The following LIPK variants were observed in gnomAD, a reference collection of about 807,000 sequenced individuals.
LIPK encodes the protein lipase family member K, also known as lipase member K.
In LIPK, 32 loss-of-function variants were observed where a neutral mutation model predicts 48.6. The observed-to-expected ratio is 0.66, with a 90% CI of 0.50 to 0.88. LIPK has a LOEUF of 0.88. LIPK is among the 40% of genes least tolerant of loss of function. The pLI is 0.00. For synonymous variants in LIPK, 164 were observed against 157.4 expected (o/e 1.04, Z -0.32); for missense variants, 507 against 478.5 (o/e 1.06, Z -0.56).
chr10:88,712,258 ACT>A (rs1331384337), intron 1 of LIPK, among the ~76,000 whole-genome samples: 2 of 152,074 alleles, frequency 1.3e-5, no homozygotes, highest in African/African-American at 4.8e-5. Context: ...ATGACTCTGA[ACT>A]CTCTCAGTTG....
At chr10:88,716,440 C>T (rs992046245) in intron 1 of LIPK, among the ~76,000 whole-genome samples, 1 of 130,566 alleles carries the variant, frequency 7.7e-6, no homozygotes, top group African/African-American at 3.1e-5. Context: ...TCACTGCAAC[C>T]TCTGCCTCTC....
intron 9 of LIPK, among the ~76,000 whole-genome samples, chr10:88,747,998 G>T (rs1842798730): frequency 6.6e-6 from 1 of 152,106 alleles, no homozygotes; most frequent in South Asian, 2.1e-4. Context: ...CAAAGACATG[G>T]AACCAACGGA....
rs562700401 is a variant in LIPK, at chr10:88,731,129, T to A, written c.370T>A (p.Ser124Thr). 5.7e-5 allele frequency: 91 copies of A among 1,602,062 alleles called. No individual in the cohort carries two copies. The East Asian group carries it at 1.7e-3, about 30-fold the overall frequency. Residue 124 changes from serine (S) to threonine (T), a missense_variant, in exon 4 of 10, where the codon TCC becomes ACC. Coordinates refer to ENST00000404190, the MANE Select transcript of LIPK (RefSeq NM_001080518.2). ...WLGNSRGNTW[S>T]RKHLKLSPKS... The stretch of plus-strand genomic sequence containing the variant: ...GGGGAACAGCCGAGGAAACACTTGG[T>A]CCAGAAAACACCTTAAATTGTCACC...
At chr10:88,711,351 T>C (rs574302746) in intron 1 of LIPK, among the ~76,000 whole-genome samples, 2 of 152,348 alleles carry the variant, frequency 1.3e-5, no homozygotes, top group Non-Finnish European at 2.9e-5. Context: ...GTATCAATAA[T>C]CTTACCTAGT....
rs1221707111 is a variant in LIPK, at chr10:88,731,107, G to C, written c.348G>C (p.Gly116=). 6.2e-7 allele frequency: 1 copy of C among 1,606,626 alleles called. No homozygotes were observed. The highest frequency in any genetic ancestry group is 1.1e-5 in the South Asian group (1 of 89,144). ...ATAGTGGTTATGACGTGTGGTTGGG[G>C]AACAGCCGAGGAAACACTTGGTCCA... ...LADSGYDVWL[G]NSRGNTWSRK... The change falls in exon 4 of 10, where the codon GGG becomes GGC. Residue 116 remains glycine (G), a synonymous_variant. Coordinates refer to ENST00000404190, the MANE Select transcript of LIPK (RefSeq NM_001080518.2).
chr10:88,744,139 C>G (rs527643911), intron 9 of LIPK, among the ~76,000 whole-genome samples: 142 of 152,286 alleles, frequency 9.3e-4, no homozygotes, highest in African/African-American at 3.4e-3. Flanking sequence ...ACATCCCTGT[C>G]TGCTGGCCTT....
At chr10:88,713,687 T>C (rs906651716) in intron 1 of LIPK, among the ~76,000 whole-genome samples, 3 of 152,132 alleles carry the variant, frequency 2.0e-5, no homozygotes, top group African/African-American at 7.2e-5. Context: ...ACACCTGTAA[T>C]CCCAGCACTT....
chr10:88,728,016 C>A, intron 3 of LIPK: 1 of 370,966 alleles, frequency 2.7e-6, no homozygotes, highest in Non-Finnish European at 5.4e-6. Flanking sequence ...TGGAGCTTGA[C>A]AACATGCAGG....
chr10:88,732,295 TG>T lies in LIPK; in HGVS notation c.532+12del. On this transcript the variant is annotated intron_variant, in intron 5 of 9. Transcript: ENST00000404190. ...CACAAGGCACCACCATAGGTGTGTTTGGGGCAGATGTGATCAGAGAATGTCA... is the reference window on the plus strand; with the variant it reads ...CACAAGGCACCACCATAGGTGTGTTTGGGCAGATGTGATCAGAGAATGTCA... 1 of 1,608,454 alleles carries T rather than the reference TG, an allele frequency of 6.2e-7. No individual in the cohort carries two copies.
chr10:88,738,763 C>G (rs1842623594), intron 7 of LIPK, among the ~76,000 whole-genome samples: 1 of 152,198 alleles, frequency 6.6e-6, no homozygotes, highest in South Asian at 2.1e-4. Flanking sequence ...TTCATTGGCC[C>G]TTGTTGTCCA....
intron 1 of LIPK, among the ~76,000 whole-genome samples, chr10:88,714,408 T>C (rs1392327206): frequency 1.3e-5 from 2 of 152,164 alleles, no homozygotes; most frequent in African/African-American, 4.8e-5. Flanking sequence ...TGCTAACAAC[T>C]TCAGGGACAC....
Position 88,731,259 on chromosome 10 carries a change from G to A in LIPK, c.422+78G>A, listed in dbSNP as rs1197328859. On this transcript the variant is annotated intron_variant, in intron 4 of 9. Coordinates refer to ENST00000404190, the MANE Select transcript of LIPK (RefSeq NM_001080518.2). The stretch of plus-strand genomic sequence containing the variant: ...ATGAACACCTAGTGATTTTTTTCCT[G>A]TTTTGTGTCCAAATGCACCCAATGG... 4.9e-6 allele frequency: 6 copies of A among 1,214,148 alleles called. 1 individual carries two copies. The South Asian group carries it at 1.0e-4, about 21-fold the overall frequency. 75.2% of individuals were successfully genotyped at this position (1,214,148 alleles called of 1,614,324 possible).
At chr10:88,717,744 T>C (rs1178445025) in intron 1 of LIPK, among the ~76,000 whole-genome samples, 1 of 152,178 alleles carries the variant, frequency 6.6e-6, no homozygotes, top group Non-Finnish European at 1.5e-5. Flanking sequence ...TCTGGAAATA[T>C]ATAGAAATAT....
intron 6 of LIPK, among the ~76,000 whole-genome samples, chr10:88,733,085 T>C (rs1241229145): frequency 6.6e-6 from 1 of 152,356 alleles, no homozygotes; most frequent in Admixed American, 6.5e-5. Flanking sequence ...GTATTGCATA[T>C]TGTAAACCTT....
chr10:88,732,075 T>A, intron 4 of LIPK, 103 bp from the exon 5 acceptor site: 1 of 730,278 alleles, frequency 1.4e-6, no homozygotes, highest in Non-Finnish European at 2.3e-6. Flanking sequence ...TAGTCTTATA[T>A]TTAACAAAAT....
Position 88,732,208 on chromosome 10 carries a change from A to G in LIPK, c.453A>G (p.Pro151=), listed in dbSNP as rs1451263762. 6.2e-7 allele frequency: 1 copy of G among 1,611,130 alleles called. No homozygotes were observed. The highest frequency in any genetic ancestry group is 8.5e-7 in the Non-Finnish European group (1 of 1,178,284). ...SLDEMAKYDL[P]ATINFIIEKT... ...ATGAGATGGCTAAATATGACCTTCC[A>G]GCCACAATCAATTTTATCATAGAGA... The change falls in exon 5 of 10, where the codon CCA becomes CCG. Residue 151 remains proline, a synonymous_variant. Transcript: ENST00000404190.
At chr10:88,707,293 C>A (rs1044908161) in intron 1 of LIPK, among the ~76,000 whole-genome samples, 1 of 152,018 alleles carries the variant, frequency 6.6e-6, no homozygotes, top group Non-Finnish European at 1.5e-5. Flanking sequence ...AGTTAAAGTG[C>A]CATTTTACTC....
chr10:88,742,240 A>G (rs1489794310), intron 8 of LIPK, among the ~76,000 whole-genome samples: 1 of 152,356 alleles, frequency 6.6e-6, no homozygotes, highest in African/African-American at 2.4e-5. Flanking sequence ...GTGGGGACAC[A>G]GAGCCAAACC....
chr10:88,713,936 C>A (rs1166315686), intron 1 of LIPK, among the ~76,000 whole-genome samples: 2 of 151,544 alleles, frequency 1.3e-5, no homozygotes, highest in African/African-American at 4.8e-5. Context: ...GGTGTCAGAG[C>A]AAGACTCTGT....
Sources: allele counts gnomAD v4.1 joint callset (sites outside exome capture counted in the v4.1 genomes callset), GRCh38; gene constraint gnomAD v4.1.1; transcripts MANE v1.5; gene names NCBI Gene and HGNC (gene_info 2026-07-23, HGNC 2026-07-21).